EXOC4: variants seen among roughly 807,000 people sequenced by gnomAD.
EXOC4 encodes the protein exocyst complex component 4.
In EXOC4, 71 loss-of-function variants were observed where a neutral mutation model predicts 107.2. The observed-to-expected ratio is 0.66, with a 90% confidence interval of 0.55 to 0.81. The LOEUF (loss-of-function observed/expected upper bound fraction) is 0.81, where lower values mean the gene tolerates loss of function less well. EXOC4 is among the 30% of genes least tolerant of loss of function. The probability of loss-of-function intolerance (pLI) is 0.00; values close to 1 mark genes in which losing one functional copy is unlikely to be tolerated. For missense variants in EXOC4, 1,108 were observed against 1,189.6 expected, an observed-to-expected ratio of 0.93 and a Z score of 1.01; for synonymous variants, 456 against 441.2, an observed-to-expected ratio of 1.03 and a Z score of -0.42.
Position 133,412,934 on chromosome 7 carries a change from C to T in EXOC4, c.1182+37932C>T, listed in dbSNP as rs1229224833. Reference sequence around the variant, plus strand: ...GGACTCTGTATCTTTCTTAGAGGTGCTGAAGGCATTGCTGGTGCTCAGTTC... The same window carrying T: ...GGACTCTGTATCTTTCTTAGAGGTGTTGAAGGCATTGCTGGTGCTCAGTTC... On this transcript the variant is annotated intron_variant, in intron 7 of 17. Transcript: ENST00000253861. 4.6e-5 allele frequency among the ~76,000 whole-genome samples: 7 copies of T among 152,150 alleles called. No homozygotes were observed. The South Asian group carries it at 1.5e-3, about 32-fold the overall frequency.
chr7:133,447,596 T>G (rs1798248291), intron 7 of EXOC4, among the ~76,000 whole-genome samples: 1 of 152,056 alleles, frequency 6.6e-6, no homozygotes, highest in African/African-American at 2.4e-5. Flanking sequence ...TCTATGTGCT[T>G]ATTTAAATAA....
intron 9 of EXOC4, among the ~76,000 whole-genome samples, chr7:133,617,075 A>G (rs1802210643): frequency 1.3e-5 from 2 of 152,076 alleles, no homozygotes; most frequent in South Asian, 2.1e-4. Context: ...CTAATATCTG[A>G]TTTTGTTATT....
At chr7:133,622,147 T>A (rs1164516425) in intron 9 of EXOC4, among the ~76,000 whole-genome samples, 3 of 152,118 alleles carry the variant, frequency 2.0e-5, no homozygotes, top group Non-Finnish European at 2.9e-5. Context: ...GCTAATTTTT[T>A]AATTTTGTGT....
At chr7:133,316,999 C>T (rs1314923840) in intron 4 of EXOC4, among the ~76,000 whole-genome samples, 1 of 152,084 alleles carries the variant, frequency 6.6e-6, no homozygotes, top group Non-Finnish European at 1.5e-5. Context: ...TCCAGTTGAT[C>T]CAGAATACAC....
chr7:133,537,304 C>T (rs942187039), intron 9 of EXOC4, among the ~76,000 whole-genome samples: 3 of 149,082 alleles, frequency 2.0e-5, no homozygotes, highest in Admixed American at 2.0e-4. Context: ...GCACCCCCCC[C>T]CCCACCACAC....
At chr7:133,287,762 T>G (rs1006134003) in intron 2 of EXOC4, among the ~76,000 whole-genome samples, 2 of 152,244 alleles carry the variant, frequency 1.3e-5, no homozygotes, top group African/African-American at 4.8e-5. Context: ...AATCTTAGCA[T>G]TTTGTCCTCA....
Position 133,356,464 on chromosome 7 carries a change from A to G in EXOC4, c.898A>G (p.Ile300Val). 1 of 1,614,198 alleles carries G rather than the reference A, an allele frequency of 6.2e-7. No homozygotes were observed. The highest frequency in any genetic ancestry group is 8.5e-7 in the Non-Finnish European group (1 of 1,180,040). ...KKIPETVKAI[I>V]ERLEQELKQI... ...GATCCCAGAAACAGTTAAGGCAATC[A>G]TAGAGCGCTTGGAGCAGGAGTTGAA... Residue 300 changes from isoleucine (I) to valine (V), a missense_variant, in exon 6 of 18, where the codon ATA becomes GTA. Coordinates refer to ENST00000253861, the MANE Select transcript of EXOC4 (RefSeq NM_021807.4).
intron 4 of EXOC4, 100 bp downstream of exon 4, chr7:133,306,161 C>A: frequency 1.1e-6 from 1 of 943,490 alleles, no homozygotes; most frequent in East Asian, 2.8e-5. Context: ...TTTACTTTTC[C>A]TTTAATGGAC....
chr7:134,064,240 C>T (rs746258406), intron 17 of EXOC4, 51 bp from the exon 18 acceptor site: 83 of 1,257,636 alleles, frequency 6.6e-5, no homozygotes, highest in East Asian at 4.0e-4. Flanking sequence ...CCCCTCGAGA[C>T]GACGTTACCA....
intron 10 of EXOC4, among the ~76,000 whole-genome samples, chr7:133,711,394 G>A (rs923533817): frequency 6.6e-6 from 1 of 152,192 alleles, no homozygotes; most frequent in African/African-American, 2.4e-5. Flanking sequence ...ATGGATTTTT[G>A]TGGAAGGATG....
rs138148953 is a variant in EXOC4, at chr7:133,841,095, A to G, written c.1734+23551A>G. ...AAAGTGCTGGCAGATTTGGTGTCTG[A>G]TGAGGGCCTATATTCTCATTCATAG... On this transcript the variant is annotated intron_variant, in intron 11 of 17. Coordinates refer to ENST00000253861, the MANE Select transcript of EXOC4 (RefSeq NM_021807.4). 2.4e-3 allele frequency among the ~76,000 whole-genome samples: 366 copies of G among 152,248 alleles called. 5 individuals carry two copies. Among genetic ancestry groups the G allele is most frequent in the African/African-American group, 8.2e-3 (342 of 41,546 alleles).
chr7:133,795,252 A>G (rs909641753), intron 10 of EXOC4, among the ~76,000 whole-genome samples: 4 of 152,140 alleles, frequency 2.6e-5, no homozygotes, highest in African/African-American at 7.2e-5. Flanking sequence ...AAGGGCTATA[A>G]AGTTGTCTGC....
intron 3 of EXOC4, among the ~76,000 whole-genome samples, chr7:133,290,029 T>C (rs1198962578): frequency 7.2e-5 from 11 of 152,304 alleles, no homozygotes; most frequent in Admixed American, 5.9e-4. Context: ...CTCTAAGTGG[T>C]TCTAATTCAT....
At chr7:133,256,421 A>C (rs1795020832) in intron 1 of EXOC4, among the ~76,000 whole-genome samples, 1 of 152,242 alleles carries the variant, frequency 6.6e-6, no homozygotes, top group South Asian at 2.1e-4. Context: ...AACCCATGTT[A>C]GGCTCGTGTT....
intron 9 of EXOC4, among the ~76,000 whole-genome samples, chr7:133,536,864 A>G (rs1800279931): frequency 6.6e-6 from 1 of 152,112 alleles, no homozygotes; most frequent in Non-Finnish European, 1.5e-5. Context: ...GGCAGGCAGC[A>G]GGAAGTAGAC....
chr7:133,325,309 T>C (rs1030478391), intron 5 of EXOC4, among the ~76,000 whole-genome samples: 5 of 152,234 alleles, frequency 3.3e-5, no homozygotes, highest in Admixed American at 3.3e-4. Flanking sequence ...CTAGCATTGA[T>C]GGTCTTTACA....
chr7:133,887,574 G>A (rs1032413499), intron 11 of EXOC4, among the ~76,000 whole-genome samples: 4 of 152,108 alleles, frequency 2.6e-5, no homozygotes, highest in Non-Finnish European at 4.4e-5. Flanking sequence ...CAGAGTAAAG[G>A]AGCAATCCAA....
intron 7 of EXOC4, among the ~76,000 whole-genome samples, chr7:133,412,541 A>G (rs1249175318): frequency 6.6e-6 from 1 of 152,040 alleles, no homozygotes; most frequent in Non-Finnish European, 1.5e-5. Context: ...CCAAACCGCC[A>G]TGAAAAATCA....
At chr7:133,967,210 CTCT>C (rs982638419) in intron 14 of EXOC4, among the ~76,000 whole-genome samples, 6 of 151,782 alleles carry the variant, frequency 4.0e-5, no homozygotes, top group African/African-American at 1.5e-4. Context: ...TTTGATTCTT[CTCT>C]TCTTCATTAG....
Sources: gnomAD v4.1 joint callset for allele counts (sites outside exome capture counted in the v4.1 genomes callset) on GRCh38, gnomAD v4.1.1 for gene constraint, MANE v1.5 for transcripts, NCBI Gene and HGNC (gene_info 2026-07-23, HGNC 2026-07-21) for gene names.